The following LHFPL4 variants were observed in gnomAD, a reference collection of about 807,000 sequenced individuals.
The protein encoded by LHFPL4 is LHFPL tetraspan subfamily member 4.
A neutral mutation model predicts 20.0 loss-of-function variants in LHFPL4; 6 were observed. The ratio of observed to expected loss-of-function variants is 0.30; its 90% CI spans 0.16 to 0.59. The LOEUF (loss-of-function observed/expected upper bound fraction) is 0.59. LHFPL4 is among the 20% of genes least tolerant of loss of function. LHFPL4 has a pLI of 0.88. For missense variants in LHFPL4, 215 were observed against 331.2 expected (o/e 0.65, Z 2.72); for synonymous variants, 129 against 143.8 (o/e 0.90, Z 0.74).
At chr3:9,504,489 C>A (rs2596936) in intron 3 of LHFPL4, among the ~76,000 whole-genome samples, 110,749 of 151,988 alleles carry the variant, frequency 0.73, 41,890 homozygotes, top group Middle Eastern at 0.83. Context: ...AGATGACCAT[C>A]ATCCTACCTT....
chr3:9,529,323 G>A (rs757983991), intron 2 of LHFPL4, among the ~76,000 whole-genome samples: 2 of 152,112 alleles, frequency 1.3e-5, no homozygotes, highest in Non-Finnish European at 1.5e-5. Flanking sequence ...CACCGCGCCC[G>A]GCCATGAATC....
chr3:9,552,925 C>T (rs1438379644), intron 1 of LHFPL4, 78 bp from the exon 2 acceptor site: 1 of 129,634 alleles, frequency 7.7e-6, no homozygotes, highest in Non-Finnish European at 1.5e-5. Context: ...TACTGGGGGG[C>T]CTAGGAGGGG....
intron 2 of LHFPL4, among the ~76,000 whole-genome samples, chr3:9,542,363 G>A (rs964771988): frequency 1.2e-4 from 18 of 152,300 alleles, no homozygotes; most frequent in Admixed American, 4.6e-4. Flanking sequence ...CAACCCAAAT[G>A]TCCATCAGCT....
chr3:9,502,337 G>T (rs774477822), intron 3 of LHFPL4, 26 bp from the exon 4 acceptor site: 2 of 1,405,476 alleles, frequency 1.4e-6, no homozygotes, highest in Non-Finnish European at 2.0e-6. Flanking sequence ...AGAGAGAGAA[G>T]GAGAGAGAAT....
Position 9,501,952 on chromosome 3 carries a change from G to C in LHFPL4, c.*259C>G, listed in dbSNP as rs2046179527. 1.9e-6 allele frequency: 1 copy of C among 525,008 alleles called. No homozygotes were observed. Among genetic ancestry groups the C allele is most frequent in the Non-Finnish European group, 3.5e-6 (1 of 289,330 alleles). 32.5% of individuals were successfully genotyped at this position (525,008 alleles called of 1,614,324 possible). A position where few individuals can be genotyped will look rare whatever the true frequency, so the allele number is the denominator to read the frequency against. On this transcript the variant is annotated 3_prime_UTR_variant, in exon 4 of 4. Coordinates refer to ENST00000287585, the MANE Select transcript of LHFPL4 (RefSeq NM_198560.3). ...CTAGAGAGGAGAGGAGAAGCCCAAGGGCCTACGCAGATGCAGGCTCCCTTA... is the reference window on the plus strand; with the variant it reads ...CTAGAGAGGAGAGGAGAAGCCCAAGCGCCTACGCAGATGCAGGCTCCCTTA...
intron 2 of LHFPL4, among the ~76,000 whole-genome samples, chr3:9,526,513 C>T (rs1467546374): frequency 1.3e-5 from 2 of 152,146 alleles, no homozygotes; most frequent in Non-Finnish European, 1.5e-5. Flanking sequence ...TCTAACATCC[C>T]TCATATCATC....
chr3:9,507,711 C>T (rs906364622), intron 2 of LHFPL4, among the ~76,000 whole-genome samples: 1 of 152,240 alleles, frequency 6.6e-6, no homozygotes, highest in Non-Finnish European at 1.5e-5. Flanking sequence ...AATCCCCGCC[C>T]AGGTGGGCCC....
At chr3:9,508,584 A>G (rs1020525754) in intron 2 of LHFPL4, among the ~76,000 whole-genome samples, 1 of 152,204 alleles carries the variant, frequency 6.6e-6, no homozygotes, top group African/African-American at 2.4e-5. Flanking sequence ...CGAGGACTGG[A>G]CATGGTGGAA....
At chr3:9,532,277 C>T (rs1340997970) in intron 2 of LHFPL4, among the ~76,000 whole-genome samples, 5 of 152,146 alleles carry the variant, frequency 3.3e-5, no homozygotes, top group Admixed American at 1.3e-4. Context: ...GATCTGCCCG[C>T]CTTGGCCTCA....
intron 2 of LHFPL4, among the ~76,000 whole-genome samples, chr3:9,520,442 T>G (rs1411709748): frequency 6.6e-6 from 1 of 152,036 alleles, no homozygotes; most frequent in Non-Finnish European, 1.5e-5. Context: ...CAACCTCTGC[T>G]TCCCGAGTTC....
intron 3 of LHFPL4, among the ~76,000 whole-genome samples, chr3:9,503,332 A>G (rs1048772287): frequency 1.3e-5 from 2 of 152,172 alleles, no homozygotes; most frequent in Admixed American, 6.6e-5. Flanking sequence ...TCACATCCCC[A>G]CACCCCTTCT....
intron 2 of LHFPL4, among the ~76,000 whole-genome samples, chr3:9,542,743 G>C (rs1043727985): frequency 1.3e-5 from 2 of 150,358 alleles, no homozygotes; most frequent in African/African-American, 2.5e-5. Flanking sequence ...CGAGACTGAG[G>C]CTGCAGTGAG....
At chr3:9,541,957 AC>A (rs909399746) in intron 2 of LHFPL4, among the ~76,000 whole-genome samples, 4 of 152,132 alleles carry the variant, frequency 2.6e-5, no homozygotes, top group Non-Finnish European at 5.9e-5. Flanking sequence ...CTAGGTAAGT[AC>A]CCAAGAGAAA....
At chr3:9,535,958 C>T (rs1168902918) in intron 2 of LHFPL4, among the ~76,000 whole-genome samples, 4 of 152,112 alleles carry the variant, frequency 2.6e-5, no homozygotes, top group African/African-American at 4.8e-5. Flanking sequence ...CGCACCACCA[C>T]GCTCAGCTAA....
At chr3:9,526,542 C>T (rs1305408822) in intron 2 of LHFPL4, among the ~76,000 whole-genome samples, 2 of 152,180 alleles carry the variant, frequency 1.3e-5, no homozygotes, top group African/African-American at 2.4e-5. Context: ...TCAAGCATCT[C>T]TTAAAATGAT....
intron 2 of LHFPL4, among the ~76,000 whole-genome samples, chr3:9,523,166 C>T (rs1414910799): frequency 6.6e-6 from 1 of 151,348 alleles, no homozygotes; most frequent in African/African-American, 2.4e-5. Context: ...TGCCTGTAAT[C>T]CCAGCACTTT....
Position 9,508,216 on chromosome 3 carries a change from CCCTCCTT to C in LHFPL4, c.407-2020_407-2014del, listed in dbSNP as rs543260657. On this transcript the variant is annotated intron_variant, in intron 2 of 3. Transcript: ENST00000287585. Reference sequence around the variant, plus strand: ...CTCTTCCGGCTTCCAACGGAGTGGGCCCTCCTTCTCATCGTGGCACTGCCAGATTCCA... The same window carrying C: ...CTCTTCCGGCTTCCAACGGAGTGGGCCTCATCGTGGCACTGCCAGATTCCA... 8.3e-4 allele frequency among the ~76,000 whole-genome samples: 126 copies of C among 152,286 alleles called. 1 individual carries two copies. The South Asian group carries it at 9.3e-3, about 11-fold the overall frequency.
At chr3:9,507,320 T>G (rs1308128482) in intron 2 of LHFPL4, among the ~76,000 whole-genome samples, 1 of 152,148 alleles carries the variant, frequency 6.6e-6, no homozygotes, top group African/African-American at 2.4e-5. Flanking sequence ...GCAAAGCGAT[T>G]AAGAAGGCTG....
intron 2 of LHFPL4, among the ~76,000 whole-genome samples, chr3:9,533,274 G>A (rs907717455): frequency 1.3e-5 from 2 of 152,112 alleles, no homozygotes; most frequent in Non-Finnish European, 2.9e-5. Context: ...AGGTTCGTAG[G>A]AGCTTTACTC....
Sources: gnomAD v4.1 joint callset for allele counts (sites outside exome capture counted in the v4.1 genomes callset) on GRCh38, gnomAD v4.1.1 for gene constraint, MANE v1.5 for transcripts, NCBI Gene and HGNC (gene_info 2026-07-23, HGNC 2026-07-21) for gene names.